KCNH6: variants seen among roughly 807,000 people sequenced by gnomAD.
KCNH6 encodes potassium voltage-gated channel subfamily H member 6.
In KCNH6, 81 loss-of-function variants were observed where a neutral mutation model predicts 83.4. The ratio of observed to expected loss-of-function variants is 0.97; its 90% CI spans 0.81 to 1.17. The LOEUF is 1.17. Among genes scored for constraint, KCNH6 ranks in the 50% most tolerant of loss-of-function variants. The pLI is 0.00. For missense variants in KCNH6, 1,203 were observed against 1,290.5 expected (o/e 0.93, Z 1.04); for synonymous variants, 503 against 545.6 (o/e 0.92, Z 1.09).
At position 63,545,754 on chromosome 17, in the gene KCNH6, C is replaced by T. The variant is rs1488146477; in HGVS notation, c.2729C>T (p.Ala910Val). 6.2e-7 allele frequency: 1 copy of T among 1,614,042 alleles called. No homozygotes were observed. Among genetic ancestry groups the T allele is most frequent in the Non-Finnish European group, 8.5e-7 (1 of 1,180,050 alleles). ...EQPEGLWPPLASPLHPLEVQG... is the reference protein window; with the variant it reads ...EQPEGLWPPLVSPLHPLEVQG... ...CCTGAGGGGCTCTGGCCACCCCTAGCCTCACCTCTACATCCCCTGGAAGTA... is the reference window on the plus strand; with the variant it reads ...CCTGAGGGGCTCTGGCCACCCCTAGTCTCACCTCTACATCCCCTGGAAGTA... Residue 910 changes from alanine (A) to valine (V), a missense_variant, in exon 13 of 13, where the codon GCC becomes GTC. Physicochemically the swap from Ala to Val is moderately conservative, Grantham distance 64. Coordinates refer to ENST00000314672, the MANE Select transcript of KCNH6 (RefSeq NM_001278919.2).
rs2147699220 is a variant in KCNH6 at position 63,538,172 on chromosome 17, C to G, written c.1609C>G (p.Arg537Gly). 6.2e-7 allele frequency: 1 copy of G among 1,614,166 alleles called. No homozygotes were observed. Among genetic ancestry groups the G allele is most frequent in the Admixed American group, 1.7e-5 (1 of 60,032 alleles). Residue 537 changes from arginine (R) to glycine (G), a missense_variant, in exon 7 of 13, where the codon CGC (arginine) becomes GGC (glycine). Transcript: ENST00000314672. This position sits in a 1 kb window ranked among gnomAD's most constrained non-coding sequence, Gnocchi z 4.0. ...GATGCTGCGTGTCAAGGAGTTCATCCGCTTCCACCAGATCCCCAACCCACT... is the reference window on the plus strand; with the variant it reads ...GATGCTGCGTGTCAAGGAGTTCATCGGCTTCCACCAGATCCCCAACCCACT... Reference protein sequence around the residue: ...TQMLRVKEFIRFHQIPNPLRQ... With the variant: ...TQMLRVKEFIGFHQIPNPLRQ...
At chr17:63,532,515 C>G (rs1406627820) in intron 4 of KCNH6, among the ~76,000 whole-genome samples, 2 of 152,166 alleles carry the variant, frequency 1.3e-5, no homozygotes, top group South Asian at 2.1e-4. Flanking sequence ...AAAAAAAGAG[C>G]CCAAGTCTAT....
In KCNH6 at chr17:63,538,722, G is replaced by T; in HGVS notation, c.1954+60G>T. On this transcript the variant is annotated intron_variant, in intron 8 of 12. Coordinates refer to ENST00000314672, the MANE Select transcript of KCNH6 (RefSeq NM_001278919.2). The surrounding 1 kb of genome is among the most constrained non-coding windows in gnomAD (Gnocchi z 4.0). Reference sequence around the variant, plus strand: ...GGATTGGATGGAAGAGGGCGGGATTGGAGATGCCCTGCCCAGGCCACCCTC... The same window carrying T: ...GGATTGGATGGAAGAGGGCGGGATTTGAGATGCCCTGCCCAGGCCACCCTC... The T allele has an allele frequency of 6.7e-7, 1 of 1,486,430 alleles. No individual in the cohort carries two copies. The highest frequency in any genetic ancestry group is 1.3e-5 in the South Asian group (1 of 74,694). 92.1% of individuals were successfully genotyped at this position (1,486,430 alleles called of 1,614,324 possible). A position where few individuals can be genotyped will look rare whatever the true frequency, so the allele number is the denominator to read the frequency against.
rs1475825800 is a variant in KCNH6, at chr17:63,543,616, G to C, written c.2189G>C (p.Gly730Ala). ...GLHSSPRQAP[G>A]SQDHQGFFLS... is the part of the protein sequence containing the mutation. ...CACTCATCCCCCCGACAGGCTCCTG[G>C]CAGCCAAGACCACCAAGGTTTCTTT... Residue 730 changes from glycine (G) to alanine (A), a missense_variant, in exon 10 of 13, where the codon GGC becomes GCC. Coordinates refer to ENST00000314672, the MANE Select transcript of KCNH6 (RefSeq NM_001278919.2). 1.2e-6 allele frequency: 2 copies of C among 1,613,146 alleles called. No individual in the cohort carries two copies. The highest frequency in any genetic ancestry group is 1.7e-6 in the Non-Finnish European group (2 of 1,179,690).
chr17:63,536,224 T>G, intron 6 of KCNH6, 156 bp downstream of exon 6: 1 of 692,512 alleles, frequency 1.4e-6, no homozygotes, highest in Non-Finnish European at 2.4e-6. Flanking sequence ...TTTGCTGGTG[T>G]GTGCACCAAG....
rs1215041111 is a variant in KCNH6, at chr17:63,536,393, A to G, written c.1501+325A>G. On this transcript the variant is annotated intron_variant, in intron 6 of 12. Coordinates refer to ENST00000314672, the MANE Select transcript of KCNH6 (RefSeq NM_001278919.2). Reference sequence around the variant, plus strand: ...TGCTGTGGCTCAAGGCTGTAATCCCAGCACTCCAGGACACCAAGGTGGGTG... The same window carrying G: ...TGCTGTGGCTCAAGGCTGTAATCCCGGCACTCCAGGACACCAAGGTGGGTG... Among the ~76,000 whole-genome samples the G allele has an allele frequency of 3.3e-5, 5 of 152,372 alleles. No individual in the cohort carries two copies. The South Asian group carries it at 8.3e-4, about 25-fold the overall frequency.
chr17:63,529,974 C>A, intron 2 of KCNH6, 117 bp from the exon 3 acceptor site: 1 of 1,090,692 alleles, frequency 9.2e-7, no homozygotes, highest in African/African-American at 1.6e-5. Context: ...ACTGTCCAAG[C>A]CTCTTCACCC....
intron 9 of KCNH6, 66 bp downstream of exon 9, chr17:63,542,500 AC>A (rs2032925125): frequency 7.2e-7 from 1 of 1,380,956 alleles, no homozygotes; most frequent in Non-Finnish European, 1.0e-6. Context: ...GCCTGAGGGC[AC>A]CCATCTGACC....
rs942611727 is a variant in KCNH6, at chr17:63,535,188, C to T, written c.1102-481C>T. ...CCCACAGGCAGCAGCCCCTGCCCGC[C>T]CTGCCCTTCCCAGGCACGGCTCTCA... is the stretch of plus-strand genomic sequence containing the variant. On this transcript the variant is annotated intron_variant, in intron 5 of 12. Transcript: ENST00000314672. The surrounding 1 kb of genome is among the most constrained non-coding windows in gnomAD (Gnocchi z 4.9). Among the ~76,000 whole-genome samples the T allele has an allele frequency of 3.9e-5, 6 of 152,224 alleles. No individual in the cohort carries two copies. Among genetic ancestry groups the T allele is most frequent in the African/African-American group, 1.4e-4 (6 of 41,452 alleles).
chr17:63,545,855 C>A lies in KCNH6; in HGVS notation c.2830C>A (p.Gln944Lys). ...CTCTGTTCCCAAGCAGCTGGACTTC[C>A]AGAGACATGGCTCAGATCCTGGATT... ...LGSVPKQLDF[Q>K]RHGSDPGFAG... is the part of the protein sequence containing the mutation. The change falls in exon 13 of 13, where the codon CAG becomes AAG. Residue 944 changes from glutamine (Q) to lysine (K), a missense_variant. By Grantham distance (53) the Gln-to-Lys change is moderately conservative. Coordinates refer to ENST00000314672, the MANE Select transcript of KCNH6 (RefSeq NM_001278919.2). The A allele has an allele frequency of 6.2e-7, 1 of 1,614,068 alleles. No homozygotes were observed. Among genetic ancestry groups the A allele is most frequent in the South Asian group, 1.1e-5 (1 of 91,082 alleles).
chr17:63,534,014 C>G lies in KCNH6; in HGVS notation c.804C>G (p.Ile268Met). The G allele has an allele frequency of 1.2e-6, 2 of 1,614,218 alleles. No individual in the cohort carries two copies. Among genetic ancestry groups the G allele is most frequent in the Non-Finnish European group, 8.5e-7 (1 of 1,180,032 alleles). ...VWDWLILLLV[I>M]YTAVFTPYSA... is the part of the protein sequence containing the mutation. ...ACTGGCTCATCCTGCTGCTGGTCAT[C>G]TACACGGCTGTCTTCACGCCCTACT... The change falls in exon 5 of 13, where the codon ATC becomes ATG. Residue 268 changes from isoleucine to methionine, a missense_variant. Ile to Met is a conservative substitution (Grantham distance 10, BLOSUM62 1). Coordinates refer to ENST00000314672, the MANE Select transcript of KCNH6 (RefSeq NM_001278919.2). This position sits in a 1 kb window ranked among gnomAD's most constrained non-coding sequence, Gnocchi z 5.0.
chr17:63,538,431 T>G lies in KCNH6; in HGVS notation c.1723T>G (p.Cys575Gly). The change falls in exon 8 of 13, where the codon TGC (cysteine) becomes GGC (glycine). Residue 575 changes from cysteine to glycine, a missense_variant. Physicochemically the swap from Cys to Gly is radical, Grantham distance 159 (BLOSUM62 -3). Coordinates refer to ENST00000314672, the MANE Select transcript of KCNH6 (RefSeq NM_001278919.2). This position sits in a 1 kb window ranked among gnomAD's most constrained non-coding sequence, Gnocchi z 4.0. ...MNAVLKGFPE[C>G]LQADICLHLH... ...GCAGGTGCTGAAGGGCTTCCCCGAGTGCCTGCAGGCTGACATCTGCCTGCA... is the reference window on the plus strand; with the variant it reads ...GCAGGTGCTGAAGGGCTTCCCCGAGGGCCTGCAGGCTGACATCTGCCTGCA... The G allele has an allele frequency of 6.2e-7, 1 of 1,601,540 alleles. No homozygotes were observed. Among genetic ancestry groups the G allele is most frequent in the Non-Finnish European group, 8.5e-7 (1 of 1,174,790 alleles).
chr17:63,531,379 C>G (rs1409645526), intron 4 of KCNH6, among the ~76,000 whole-genome samples: 2 of 152,218 alleles, frequency 1.3e-5, no homozygotes, highest in African/African-American at 4.8e-5. Flanking sequence ...ACCCATTTGA[C>G]ATTGAGTAGT....
downstream of KCNH6, chr17:63,548,787 C>T (rs1357500225): frequency 6.6e-6 from 1 of 152,012 alleles, no homozygotes; most frequent in Non-Finnish European, 1.5e-5. Context: ...TGTTTTTAAA[C>T]TTTCCTCCTT....
At position 63,535,857 on chromosome 17, in the gene KCNH6, A is replaced by G; in HGVS notation, c.1290A>G (p.Leu430=). The change falls in exon 6 of 13, where the codon CTA becomes CTG. Residue 430 remains leucine, a synonymous_variant. Transcript: ENST00000314672. The surrounding 1 kb of genome is among the most constrained non-coding windows in gnomAD (Gnocchi z 4.9). ...TCGGCAATGTGGAGCGGCCCTACCT[A>G]GAACACAAGATCGGCTGGCTGGACA... The part of the protein sequence containing the change: ...YAIGNVERPY[L]EHKIGWLDSL... 6.2e-7 allele frequency: 1 copy of G among 1,614,186 alleles called. No individual in the cohort carries two copies. Among genetic ancestry groups the G allele is most frequent in the Non-Finnish European group, 8.5e-7 (1 of 1,180,034 alleles).
intron 2 of KCNH6, among the ~76,000 whole-genome samples, chr17:63,529,889 C>T (rs2031967592): frequency 6.6e-6 from 1 of 152,232 alleles, no homozygotes; most frequent in Admixed American, 6.5e-5. Flanking sequence ...AGCTTAACCG[C>T]TCTCCCCACC....
chr17:63,525,467 A>G (rs971017084), intron 2 of KCNH6, among the ~76,000 whole-genome samples: 9 of 152,220 alleles, frequency 5.9e-5, no homozygotes, highest in African/African-American at 2.2e-4. Context: ...GAAGGCAGGC[A>G]TGAGGCCACC....
intron 9 of KCNH6, 115 bp from the exon 10 acceptor site, chr17:63,543,460 CT>C (rs2032980309): frequency 1.4e-6 from 1 of 712,322 alleles, no homozygotes. Context: ...CTGTGCCCAG[CT>C]GCTTGTCATT....
rs138263487 is a variant in KCNH6 at position 63,535,932 on chromosome 17, G to T, written c.1365G>T (p.Ser455=). The T allele has an allele frequency of 3.1e-6, 5 of 1,613,862 alleles. No individual in the cohort carries two copies. Among genetic ancestry groups the T allele is most frequent in the Non-Finnish European group, 4.2e-6 (5 of 1,180,048 alleles). The part of the protein sequence containing the change: ...GKRYNGSDPA[S]GPSVQDKYVT... ...GCTACAACGGCAGCGACCCAGCCTC[G>T]GGCCCCTCGGTGCAGGACAAGTATG... Residue 455 remains serine, a synonymous_variant, in exon 6 of 13, where the codon TCG becomes TCT. Transcript: ENST00000314672. This position sits in a 1 kb window ranked among gnomAD's most constrained non-coding sequence, Gnocchi z 4.9.
Sources: gnomAD v4.1 joint callset for allele counts (sites outside exome capture counted in the v4.1 genomes callset) on GRCh38, gnomAD v4.1.1 for gene constraint, Gnocchi (gnomAD v3.1) non-coding constraint, MANE v1.5 for transcripts, NCBI Gene and HGNC (gene_info 2026-07-23, HGNC 2026-07-21) for gene names.